Variants in DARS2 observed in about 807,000 individuals in gnomAD.
DARS2 encodes aspartate--tRNA ligase, mitochondrial.
Under a neutral mutation model 83.0 loss-of-function variants are expected in DARS2, and 63 were observed. The observed-to-expected ratio is 0.76, with a 90% CI of 0.62 to 0.94. The LOEUF (loss-of-function observed/expected upper bound fraction) is 0.94. Among genes scored for constraint, DARS2 ranks in the 40% least tolerant of loss-of-function variants. The pLI, the probability that DARS2 is intolerant of heterozygous loss-of-function variation, is 0.00. For synonymous variants in DARS2, 250 were observed against 269.3 expected (o/e 0.93, Z 0.70); for missense variants, 675 against 774.4 (o/e 0.87, Z 1.52).
intron 9 of DARS2, among the ~76,000 whole-genome samples, chr1:173,838,915 T>C (rs1653106750): frequency 6.6e-6 from 1 of 152,030 alleles, no homozygotes; most frequent in African/African-American, 2.4e-5. Context: ...TTTTGTGTTT[T>C]TATTAGAGAT....
At chr1:173,825,983 G>A (rs1333065017) in intron 1 of DARS2, among the ~76,000 whole-genome samples, 1 of 151,392 alleles carries the variant, frequency 6.6e-6, no homozygotes, top group Non-Finnish European at 1.5e-5. Context: ...AGCACTTTGG[G>A]AGGTCGAGGA....
intron 6 of DARS2, among the ~76,000 whole-genome samples, chr1:173,834,051 G>A (rs1035065945): frequency 1.3e-4 from 19 of 151,922 alleles, no homozygotes; most frequent in Non-Finnish European, 8.8e-5. Context: ...CATGAACCAC[G>A]ATACCCAGCC....
chr1:173,843,714 A>G (rs1204345547), intron 11 of DARS2, among the ~76,000 whole-genome samples: 1 of 152,224 alleles, frequency 6.6e-6, no homozygotes, highest in Non-Finnish European at 1.5e-5. Context: ...AAGTCTAATT[A>G]AAGTTTGAGG....
chr1:173,851,267 G>GT (rs753979950), intron 13 of DARS2, among the ~76,000 whole-genome samples: 11,781 of 148,446 alleles, frequency 0.079, 682 homozygotes, highest in East Asian at 0.31. Context: ...AAAAAAAAGG[G>GT]TTTTTTTTCA....
chr1:173,840,665 A>C (rs1341284810), intron 10 of DARS2, among the ~76,000 whole-genome samples: 1 of 152,208 alleles, frequency 6.6e-6, no homozygotes, highest in Non-Finnish European at 1.5e-5. Context: ...GATAATAAAG[A>C]GTGCTAACCT....
At chr1:173,838,600 A>T (rs1272651497) in intron 9 of DARS2, among the ~76,000 whole-genome samples, 4 of 152,086 alleles carry the variant, frequency 2.6e-5, no homozygotes, top group Non-Finnish European at 4.4e-5. Flanking sequence ...AATGTTCATG[A>T]TAAAGTCCTT....
chr1:173,848,811 A>G (rs1463579482), intron 12 of DARS2, among the ~76,000 whole-genome samples: 1 of 152,196 alleles, frequency 6.6e-6, no homozygotes, highest in African/African-American at 2.4e-5. Flanking sequence ...ACGAAGGTTT[A>G]TGTCTTTTTA....
At chr1:173,856,887 T>G (rs1237040061) in intron 16 of DARS2, 146 bp downstream of exon 16, 1 of 607,760 alleles carries the variant, frequency 1.6e-6, no homozygotes, top group African/African-American at 1.8e-5. Flanking sequence ...CAGTAATATA[T>G]TTTTTAAATA....
rs140881109 is a variant in DARS2, at chr1:173,825,320, A to G, written c.91A>G (p.Arg31Gly). The G allele has an allele frequency of 2.2e-4, 362 of 1,613,796 alleles. No homozygotes were observed. The highest frequency in any genetic ancestry group is 2.9e-4 in the Non-Finnish European group (345 of 1,179,892). The change falls in exon 1 of 17, where the codon AGA (arginine) becomes GGA (glycine). Residue 31 changes from arginine (R) to glycine (G), a missense_variant. Arg to Gly is a moderately radical substitution (Grantham distance 125). Coordinates refer to ENST00000649689, the MANE Select transcript of DARS2 (RefSeq NM_018122.5). Reference protein sequence around the residue: ...TTQPIWGSLYRSLLQSSQRRI... With the variant: ...TTQPIWGSLYGSLLQSSQRRI... ...CCAACCGATCTGGGGTTCTCTCTAC[A>G]GAAGTCTGTTGCAGAGTTCACAGAG...
intron 11 of DARS2, among the ~76,000 whole-genome samples, chr1:173,841,820 T>A (rs961296468): frequency 6.6e-6 from 1 of 152,124 alleles, no homozygotes; most frequent in East Asian, 1.9e-4. Context: ...CATAAATAAA[T>A]GATGCTATGA....
rs768590710 is a variant in DARS2 at position 173,847,938 on chromosome 1, C to T, written c.1192-2389C>T. On this transcript the variant is annotated intron_variant, in intron 12 of 16. Transcript: ENST00000649689. ...TGCCATCTCGGCTCACTGCAAGCTCCGCCTCCCAGGTTCACGCCGTTCTTC... is the reference window on the plus strand; with the variant it reads ...TGCCATCTCGGCTCACTGCAAGCTCTGCCTCCCAGGTTCACGCCGTTCTTC... Among the ~76,000 whole-genome samples the T allele has an allele frequency of 6.6e-5, 10 of 150,932 alleles. No individual in the cohort carries two copies. The East Asian group carries it at 2.0e-3, about 30-fold the overall frequency.
intron 11 of DARS2, among the ~76,000 whole-genome samples, chr1:173,842,516 T>C (rs1265131679): frequency 6.7e-6 from 1 of 150,168 alleles, no homozygotes; most frequent in African/African-American, 2.4e-5. Context: ...TTAGCCAGGA[T>C]GGTCTCAAAC....
At chr1:173,846,107 G>A (rs375155818) in intron 12 of DARS2, among the ~76,000 whole-genome samples, 1 of 151,820 alleles carries the variant, frequency 6.6e-6, no homozygotes, top group African/African-American at 2.4e-5. Context: ...GCAGTGAGCC[G>A]AGATTGTGCC....
intron 9 of DARS2, 51 bp downstream of exon 9, chr1:173,838,310 A>T (rs1426400040): frequency 2.0e-5 from 28 of 1,423,398 alleles, no homozygotes; most frequent in Middle Eastern, 3.5e-4. Context: ...ACTATTTTGA[A>T]ATAGTATTTT....
chr1:173,834,439 T>C, intron 6 of DARS2, 34 bp from the exon 7 acceptor site: 2 of 1,527,546 alleles, frequency 1.3e-6, no homozygotes, highest in East Asian at 2.3e-5. Context: ...TTCACATTCC[T>C]ATCTACTAAG....
Position 173,834,478 on chromosome 1 carries a change from G to C in DARS2, c.622G>C (p.Val208Leu). 6.2e-7 allele frequency: 1 copy of C among 1,607,346 alleles called. No individual in the cohort carries two copies. Among genetic ancestry groups the C allele is most frequent in the Non-Finnish European group, 8.5e-7 (1 of 1,174,184 alleles). Residue 208 changes from valine (V) to leucine (L), a missense_variant, in exon 7 of 17, where the codon GTG becomes CTG. Val to Leu is a conservative substitution (Grantham distance 32). Transcript: ENST00000649689. ...TAATGTTTCTCTCTTTTTAGGGTTT[G>C]TGGATATAGAAACCCCCACATTGTT... ...REYLCNLHGF[V>L]DIETPTLFKR...
chr1:173,844,844 A>G (rs1410637017), intron 11 of DARS2, among the ~76,000 whole-genome samples: 1 of 110,716 alleles, frequency 9.0e-6, no homozygotes, highest in Non-Finnish European at 1.7e-5. Flanking sequence ...CCCAGGCTGG[A>G]GTACAGTGGC....
In DARS2 at chr1:173,834,492, C is replaced by A; in HGVS notation, c.636C>A (p.Thr212=). 1 of 1,607,192 alleles carries A rather than the reference C, an allele frequency of 6.2e-7. No homozygotes were observed. Among genetic ancestry groups the A allele is most frequent in the Non-Finnish European group, 8.5e-7 (1 of 1,174,096 alleles). The change falls in exon 7 of 17, where the codon ACC becomes ACA. Residue 212 remains threonine, a synonymous_variant. Coordinates refer to ENST00000649689, the MANE Select transcript of DARS2 (RefSeq NM_018122.5). ...CNLHGFVDIE[T]PTLFKRTPGG... is the part of the protein sequence containing the mutation. ...TTTTAGGGTTTGTGGATATAGAAAC[C>A]CCCACATTGTTTAAGAGGACCCCAG... is the stretch of plus-strand genomic sequence containing the variant.
At chr1:173,838,131 GA>G in intron 8 of DARS2, 58 bp from the exon 9 acceptor site, 1 of 1,388,888 alleles carries the variant, frequency 7.2e-7, no homozygotes, top group Non-Finnish European at 1.0e-6. Context: ...AACTTTTGGG[GA>G]AAAGTGTGTA....
Sources: allele counts gnomAD v4.1 joint callset (sites outside exome capture counted in the v4.1 genomes callset), GRCh38; gene constraint gnomAD v4.1.1; transcripts MANE v1.5; gene names NCBI Gene and HGNC (gene_info 2026-07-23, HGNC 2026-07-21).